Variants in KRT86 observed in about 807,000 individuals in gnomAD.
KRT86 encodes the protein keratin 86.
Under a neutral mutation model 41.2 loss-of-function variants are expected in KRT86, and 30 were observed. That is an observed-to-expected ratio of 0.73 (90% CI 0.54 to 0.99). The LOEUF (loss-of-function observed/expected upper bound fraction) is 0.99. Among genes scored for constraint, KRT86 ranks in the 50% least tolerant of loss-of-function variants. The pLI is 0.00. For synonymous variants in KRT86, 238 were observed against 238.1 expected (o/e 1.00, Z 0.00); for missense variants, 561 against 571.4 (o/e 0.98, Z 0.19).
At chr12:52,275,417 G>A (rs367576524) in intron 1 of KRT86, among the ~76,000 whole-genome samples, 27 of 150,772 alleles carry the variant, frequency 1.8e-4, no homozygotes, top group African/African-American at 6.5e-4. Flanking sequence ...TTTAAATTAG[G>A]AAATATTGAA....
chr12:52,306,266 G>A lies in KRT86; in HGVS notation c.1233G>A (p.Glu411=), dbSNP rs769763274. 3.7e-6 allele frequency: 6 copies of A among 1,613,408 alleles called. No individual in the cohort carries two copies. The highest frequency in any genetic ancestry group is 5.1e-6 in the Non-Finnish European group (6 of 1,180,042). Residue 411 remains glutamate, a synonymous_variant, in exon 9 of 11, where the codon GAG becomes GAA. Coordinates refer to ENST00000423955, the MANE Select transcript of KRT86 (RefSeq NM_001320198.2). ...TCGCCACCTACAGGCGCCTGCTGGAGGGCGAGGAGCAGAGGTGGGTCCCAT... is the reference window on the plus strand; with the variant it reads ...TCGCCACCTACAGGCGCCTGCTGGAAGGCGAGGAGCAGAGGTGGGTCCCAT... ...IEIATYRRLL[E]GEEQRLCEGV...
chr12:52,305,164 G>A (rs1217370760), intron 6 of KRT86, 76 bp from the exon 7 acceptor site: 2 of 1,612,356 alleles, frequency 1.2e-6, no homozygotes, highest in Non-Finnish European at 1.7e-6. Flanking sequence ...ACCAGAGAAA[G>A]CCTGAGGAGG....
At chr12:52,278,649 G>A (rs1008541358) in intron 2 of KRT86, among the ~76,000 whole-genome samples, 1 of 152,180 alleles carries the variant, frequency 6.6e-6, no homozygotes, top group South Asian at 2.1e-4. Flanking sequence ...CCTTCTTTCC[G>A]CTGGCTTGGT....
rs985846154 is a variant in KRT86 at position 52,308,744 on chromosome 12, C to A, written c.*159C>A. On this transcript the variant is annotated 3_prime_UTR_variant, in exon 11 of 11. Transcript: ENST00000423955. ...ACCGCTCCGCTCCGGGAGCCATCCCCGGTCGCAGGAGTCCGGGGAGGGCCG... is the reference window on the plus strand; with the variant it reads ...ACCGCTCCGCTCCGGGAGCCATCCCAGGTCGCAGGAGTCCGGGGAGGGCCG... The A allele has an allele frequency of 1.2e-5, 8 of 681,942 alleles. No homozygotes were observed. Among genetic ancestry groups the A allele is most frequent in the Non-Finnish European group, 2.0e-5 (8 of 408,778 alleles). The allele number at this position is 681,942 out of a possible 1,614,324, so 42.2% of individuals were successfully genotyped here.
chr12:52,305,840 C>T (rs758589740), intron 8 of KRT86, 52 bp downstream of exon 8: 4 of 1,613,810 alleles, frequency 2.5e-6, no homozygotes, highest in Non-Finnish European at 2.5e-6. Context: ...TAACCATGGT[C>T]ACACAGCCTA....
At chr12:52,305,496 T>C in intron 7 of KRT86, 92 bp downstream of exon 7, 1 of 1,606,184 alleles carries the variant, frequency 6.2e-7, no homozygotes, top group South Asian at 1.1e-5. Flanking sequence ...GGGGATGCAC[T>C]AGGGATGAGA....
At chr12:52,287,441 T>C (rs544664021) in intron 2 of KRT86, 21 of 1,569,958 alleles carry the variant, frequency 1.3e-5, no homozygotes, top group African/African-American at 1.2e-4. Flanking sequence ...CTCTTGCCTT[T>C]ATCACCTGGG....
intron 2 of KRT86, chr12:52,288,345 G>T (rs753025493): frequency 1.2e-6 from 2 of 1,613,548 alleles, no homozygotes; most frequent in Non-Finnish European, 1.7e-6. Context: ...TTTCTGTCTG[G>T]CCCCTGAGCC....
chr12:52,308,611 G>A lies in KRT86; in HGVS notation c.*26G>A. ...GAGGCTGCCGCCTCCGCCAGCGCCT[G>A]TCGCCGTCACTCTCCACCCAGCCAG... On this transcript the variant is annotated 3_prime_UTR_variant, in exon 11 of 11. Coordinates refer to ENST00000423955, the MANE Select transcript of KRT86 (RefSeq NM_001320198.2). 3.8e-6 allele frequency: 6 copies of A among 1,589,904 alleles called. No homozygotes were observed. Among genetic ancestry groups the A allele is most frequent in the Non-Finnish European group, 4.3e-6 (5 of 1,175,940 alleles).
intron 2 of KRT86, chr12:52,288,007 C>T (rs770109989): frequency 3.7e-6 from 6 of 1,614,090 alleles, no homozygotes; most frequent in East Asian, 4.5e-5. Context: ...CAGGACTCGG[C>T]CTCGGCCCGG....
At chr12:52,287,033 CA>C (rs1937965668) in intron 2 of KRT86, 1 of 1,611,582 alleles carries the variant, frequency 6.2e-7, no homozygotes, top group African/African-American at 1.3e-5. Flanking sequence ...ATTGCTCAGC[CA>C]AGGCCAAGGG....
intron 2 of KRT86, chr12:52,291,319 G>C (rs1197209642): frequency 1.9e-6 from 3 of 1,551,510 alleles, no homozygotes; most frequent in Non-Finnish European, 2.6e-6. Flanking sequence ...CTCCGCACAC[G>C]CTGTGGCTGC....
chr12:52,292,970 A>G (rs113577316), intron 2 of KRT86, among the ~76,000 whole-genome samples: 122 of 152,292 alleles, frequency 8.0e-4, no homozygotes, highest in African/African-American at 2.7e-3. Flanking sequence ...AAGACCAGAG[A>G]TGGTGAAACC....
At chr12:52,296,369 C>T (rs116536935) in intron 2 of KRT86, among the ~76,000 whole-genome samples, 1,998 of 152,136 alleles carry the variant, frequency 0.013, 51 homozygotes, top group African/African-American at 0.046. Context: ...CAGCACAGCA[C>T]CAAGGGAAAG....
rs1592411848 is a variant in KRT86 at position 52,274,725 on chromosome 12, G to A, written c.-131+3G>A. 3.6e-5 allele frequency: 35 copies of A among 985,296 alleles called. No individual in the cohort carries two copies. Among genetic ancestry groups the A allele is most frequent in the Non-Finnish European group, 3.9e-5 (32 of 829,940 alleles). The allele number at this position is 985,296 out of a possible 1,614,324, so 61.0% of individuals were successfully genotyped here. On this transcript the variant is annotated splice_donor_region_variant and intron_variant, in intron 1 of 10. Coordinates refer to ENST00000423955, the MANE Select transcript of KRT86 (RefSeq NM_001320198.2). ...GAGACCACAGTTCTTTCTCCATGGTGAGACTCATACACGTGGCTCCCTGGT... is the reference window on the plus strand; with the variant it reads ...GAGACCACAGTTCTTTCTCCATGGTAAGACTCATACACGTGGCTCCCTGGT...
At chr12:52,281,765 G>C (rs1486410490) in intron 2 of KRT86, among the ~76,000 whole-genome samples, 1 of 152,028 alleles carries the variant, frequency 6.6e-6, no homozygotes, top group Non-Finnish European at 1.5e-5. Flanking sequence ...TAGTGATGAA[G>C]TCTTGCTCTA....
chr12:52,281,413 A>G (rs1394169818), intron 2 of KRT86, among the ~76,000 whole-genome samples: 1 of 152,238 alleles, frequency 6.6e-6, no homozygotes, highest in Non-Finnish European at 1.5e-5. Context: ...GGTCTGCCAC[A>G]GAGTAGATGT....
At chr12:52,308,351 T>G in intron 10 of KRT86, 53 bp from the exon 11 acceptor site, 1 of 1,612,122 alleles carries the variant, frequency 6.2e-7, no homozygotes, top group Non-Finnish European at 8.5e-7. Context: ...GCAAAGCCAC[T>G]CACCCAGGTC....
chr12:52,308,572 G>GT lies in KRT86; in HGVS notation c.1449dup (p.Lys484Ter), dbSNP rs756555632. 3.1e-6 allele frequency: 5 copies of GT among 1,598,396 alleles called. No homozygotes were observed. Among genetic ancestry groups the GT allele is most frequent in the Admixed American group, 3.3e-5 (2 of 59,986 alleles). Reference sequence around the variant, plus strand: ...CGGGTTGGCGTCTGCGGCGGCAGCTGTAAGAGGTGCTAGGAGGCTGCCGCC... The same window carrying GT: ...CGGGTTGGCGTCTGCGGCGGCAGCTGTTAAGAGGTGCTAGGAGGCTGCCGCC... On this transcript the variant is annotated frameshift_variant, in exon 11 of 11. Coordinates refer to ENST00000423955, the MANE Select transcript of KRT86 (RefSeq NM_001320198.2). LOFTEE classifies it high-confidence loss of function.
Sources: allele counts gnomAD v4.1 joint callset (sites outside exome capture counted in the v4.1 genomes callset), GRCh38; gene constraint gnomAD v4.1.1; transcripts MANE v1.5; gene names NCBI Gene and HGNC (gene_info 2026-07-23, HGNC 2026-07-21).